CD48: variants seen among roughly 807,000 people sequenced by gnomAD.
The protein encoded by CD48 is CD48 antigen.
CD48 carries 20 observed loss-of-function variants against 22.0 expected under a neutral mutation model. The observed-to-expected ratio is 0.91, with a 90% CI of 0.64 to 1.32. The LOEUF (loss-of-function observed/expected upper bound fraction) is 1.32, where lower values mean the gene tolerates loss of function less well. CD48 is among the 40% of genes most tolerant of loss of function. The probability of loss-of-function intolerance (pLI) is 0.00; values close to 1 mark genes in which losing one functional copy is unlikely to be tolerated. For missense variants in CD48, 307 were observed against 286.5 expected, an observed-to-expected ratio of 1.07 and a Z score of -0.52; for synonymous variants, 110 against 110.1, an observed-to-expected ratio of 1.00 and a Z score of 0.01.
intron 3 of CD48, chr1:160,680,621 CAG>C: frequency 7.9e-6 from 8 of 1,008,438 alleles, no homozygotes; most frequent in Middle Eastern, 5.1e-4. Flanking sequence ...TGGATCCTCC[CAG>C]GAGACAGGGG....
intron 3 of CD48, among the ~76,000 whole-genome samples, chr1:160,679,361 T>C (rs982767346): frequency 3.3e-5 from 5 of 152,222 alleles, no homozygotes; most frequent in African/African-American, 1.2e-4. Flanking sequence ...CTGGGCCCTG[T>C]GCTCAAAGGT....
chr1:160,706,111 G>T (rs1198332009), intron 1 of CD48, among the ~76,000 whole-genome samples: 1 of 151,934 alleles, frequency 6.6e-6, no homozygotes, highest in Non-Finnish European at 1.5e-5. Context: ...TTTCACTTTT[G>T]TCACCCAGGC....
At chr1:160,703,233 G>A (rs1662689342) in intron 1 of CD48, among the ~76,000 whole-genome samples, 1 of 152,158 alleles carries the variant, frequency 6.6e-6, no homozygotes, top group Non-Finnish European at 1.5e-5. Flanking sequence ...GCTGAGATGG[G>A]GTTAGAACAG....
At chr1:160,708,540 A>G (rs1217681503) in intron 1 of CD48, among the ~76,000 whole-genome samples, 1 of 152,128 alleles carries the variant, frequency 6.6e-6, no homozygotes, top group Non-Finnish European at 1.5e-5. Flanking sequence ...ATGGAATTGG[A>G]CATATTTGAG....
At chr1:160,683,438 C>G (rs1413672917) in intron 2 of CD48, 1 of 151,728 alleles carries the variant, frequency 6.6e-6, no homozygotes. Flanking sequence ...TTTGTGAAAC[C>G]ATTAGTTTAT....
At chr1:160,699,805 C>T (rs1662567267) in intron 1 of CD48, 3 of 151,822 alleles carry the variant, frequency 2.0e-5, no homozygotes, top group Non-Finnish European at 2.9e-5. Flanking sequence ...GTGACCCTGA[C>T]ACATCCCCCT....
At chr1:160,708,153 G>A (rs1017644056) in intron 1 of CD48, among the ~76,000 whole-genome samples, 1 of 152,116 alleles carries the variant, frequency 6.6e-6, no homozygotes. Flanking sequence ...TGACGACTGG[G>A]GGTAGTGAAT....
chr1:160,679,798 A>G (rs1198541965), intron 3 of CD48, among the ~76,000 whole-genome samples: 1 of 152,228 alleles, frequency 6.6e-6, no homozygotes, highest in African/African-American at 2.4e-5. Context: ...TCTTCGGATG[A>G]ACAGTCACAC....
intron 1 of CD48, among the ~76,000 whole-genome samples, chr1:160,698,208 G>A (rs1325200904): frequency 1.3e-5 from 2 of 152,132 alleles, no homozygotes; most frequent in African/African-American, 4.8e-5. Flanking sequence ...ACTATAACCT[G>A]TGAAAATTGT....
intron 1 of CD48, among the ~76,000 whole-genome samples, chr1:160,701,473 A>G (rs1245504888): frequency 6.6e-6 from 1 of 151,932 alleles, no homozygotes; most frequent in African/African-American, 2.4e-5. Context: ...ATTGTAAGGG[A>G]ATGGGATCAG....
At chr1:160,684,496 C>T (rs1661917568) in intron 2 of CD48, 1 of 444,250 alleles carries the variant, frequency 2.3e-6, no homozygotes, top group Non-Finnish European at 4.0e-6. Context: ...CCTGATAACT[C>T]CTGCCCCATT....
At chr1:160,680,563 C>T (rs894864301) in intron 3 of CD48, 4 of 991,074 alleles carry the variant, frequency 4.0e-6, no homozygotes, top group South Asian at 9.1e-5. Context: ...CTGTCCCATG[C>T]TAGCACCAGT....
chr1:160,707,242 T>C (rs1662822593), intron 1 of CD48, among the ~76,000 whole-genome samples: 1 of 152,124 alleles, frequency 6.6e-6, no homozygotes, highest in Non-Finnish European at 1.5e-5. Flanking sequence ...ACAATAAAAA[T>C]AGACTCTTCT....
intron 1 of CD48, chr1:160,692,229 T>C (rs1297809412): frequency 6.6e-6 from 1 of 152,154 alleles, no homozygotes; most frequent in East Asian, 1.9e-4. Flanking sequence ...GTATAATAGA[T>C]TGTAATGAAA....
intron 1 of CD48, among the ~76,000 whole-genome samples, chr1:160,705,503 T>C (rs1415056780): frequency 1.3e-5 from 2 of 152,226 alleles, no homozygotes; most frequent in East Asian, 1.9e-4. Flanking sequence ...GTTTAAGATA[T>C]GTTTTGTAAA....
At chr1:160,709,463 G>C (rs1338048996) in intron 1 of CD48, among the ~76,000 whole-genome samples, 2 of 152,188 alleles carry the variant, frequency 1.3e-5, no homozygotes, top group South Asian at 4.1e-4. Context: ...TTAATGACTT[G>C]TTGAAAATTC....
At chr1:160,681,595 G>A in intron 2 of CD48, 127 bp from the exon 3 acceptor site, 1 of 1,221,654 alleles carries the variant, frequency 8.2e-7, no homozygotes, top group Non-Finnish European at 1.1e-6. Flanking sequence ...TCATGAAGAA[G>A]AAGTTCTACA....
At chr1:160,696,098 T>C (rs1383200825) in intron 1 of CD48, among the ~76,000 whole-genome samples, 2 of 152,302 alleles carry the variant, frequency 1.3e-5, no homozygotes, top group Admixed American at 6.5e-5. Flanking sequence ...TGTGAACCTT[T>C]AGAAAATGCT....
At chr1:160,695,251 C>A (rs1662373457) in intron 1 of CD48, among the ~76,000 whole-genome samples, 1 of 152,302 alleles carries the variant, frequency 6.6e-6, no homozygotes, top group South Asian at 2.1e-4. Context: ...TTTTGTAGGT[C>A]GAGCTCTTCA....
Sources: gnomAD v4.1 joint callset for allele counts (sites outside exome capture counted in the v4.1 genomes callset) on GRCh38, gnomAD v4.1.1 for gene constraint, MANE v1.5 for transcripts, NCBI Gene and HGNC (gene_info 2026-07-23, HGNC 2026-07-21) for gene names.